The following ALCAM variants were observed in gnomAD, a reference collection of about 807,000 sequenced individuals.
ALCAM encodes CD166 antigen.
ALCAM carries 30 observed loss-of-function variants against 70.9 expected under a neutral mutation model. That is an observed-to-expected ratio of 0.42 (90% confidence interval 0.32 to 0.57). ALCAM has a LOEUF of 0.57. ALCAM is among the 20% of genes least tolerant of loss of function. The probability of loss-of-function intolerance (pLI) is 0.11; values close to 1 mark genes in which losing one functional copy is unlikely to be tolerated. For missense variants in ALCAM, 591 were observed against 695.1 expected, an observed-to-expected ratio of 0.85 and a Z score of 1.68; for synonymous variants, 249 against 242.5, an observed-to-expected ratio of 1.03 and a Z score of -0.25.
intron 1 of ALCAM, among the ~76,000 whole-genome samples, chr3:105,470,730 A>G (rs1163527862): frequency 6.6e-6 from 1 of 151,242 alleles, no homozygotes; most frequent in Admixed American, 6.6e-5. Flanking sequence ...GTGTAAAATA[A>G]TAATTGATAT....
At chr3:105,408,087 C>T (rs958938459) in intron 1 of ALCAM, among the ~76,000 whole-genome samples, 3 of 152,064 alleles carry the variant, frequency 2.0e-5, no homozygotes, top group African/African-American at 7.2e-5. Context: ...AAACACACCC[C>T]ATGCTCATGG....
chr3:105,541,522 C>T, intron 7 of ALCAM, 111 bp from the exon 8 acceptor site: 1 of 1,173,552 alleles, frequency 8.5e-7, no homozygotes. Flanking sequence ...ATCAATGAAA[C>T]ACATTCCCTT....
At chr3:105,447,147 C>T (rs965569099) in intron 1 of ALCAM, among the ~76,000 whole-genome samples, 2 of 151,978 alleles carry the variant, frequency 1.3e-5, no homozygotes, top group Non-Finnish European at 2.9e-5. Flanking sequence ...TTATGTGTCT[C>T]TTAAAAACAA....
chr3:105,521,295 G>A (rs930207267), intron 2 of ALCAM, among the ~76,000 whole-genome samples: 3 of 117,650 alleles, frequency 2.5e-5, no homozygotes, highest in African/African-American at 1.0e-4. Context: ...GCGACAGAGC[G>A]AGACTCCGTC....
At chr3:105,405,764 TGCAAATACA>T (rs1936212881) in intron 1 of ALCAM, among the ~76,000 whole-genome samples, 1 of 152,164 alleles carries the variant, frequency 6.6e-6, no homozygotes, top group East Asian at 1.9e-4. Context: ...CTCAAAGCCA[TGCAAATACA>T]TGGAAATTAA....
At chr3:105,427,923 C>A (rs1485745413) in intron 1 of ALCAM, among the ~76,000 whole-genome samples, 1 of 151,674 alleles carries the variant, frequency 6.6e-6, no homozygotes, top group Non-Finnish European at 1.5e-5. Flanking sequence ...TTGGAGAAAA[C>A]CTATTATACT....
intron 1 of ALCAM, among the ~76,000 whole-genome samples, chr3:105,368,634 G>A (rs957882330): frequency 1.3e-5 from 2 of 152,058 alleles, no homozygotes; most frequent in Admixed American, 1.3e-4. Flanking sequence ...GCAAGCTCAG[G>A]TCACAGAAGA....
In ALCAM at chr3:105,472,217, G is replaced by A. The variant is rs146572226; in HGVS notation, c.74-47850G>A. 2.9e-3 allele frequency among the ~76,000 whole-genome samples: 434 copies of A among 151,344 alleles called. 1 individual carries two copies. The highest frequency in any genetic ancestry group is 4.7e-3 in the Non-Finnish European group (316 of 67,496). On this transcript the variant is annotated intron_variant, in intron 1 of 15. Transcript: ENST00000306107. ...TTGTTTGTTTGTTTTTTTAGGCAGT[G>A]CTACTGATGCTCATTCCTTTATGAA...
chr3:105,379,173 G>A (rs1462523641), intron 1 of ALCAM, among the ~76,000 whole-genome samples: 1 of 151,928 alleles, frequency 6.6e-6, no homozygotes, highest in African/African-American at 2.4e-5. Flanking sequence ...TATTATGTTT[G>A]TCAGTGCCTA....
intron 1 of ALCAM, among the ~76,000 whole-genome samples, chr3:105,519,094 A>T (rs1939464418): frequency 6.6e-6 from 1 of 152,078 alleles, no homozygotes; most frequent in Admixed American, 6.5e-5. Context: ...TCTATACCCG[A>T]TTATGATACA....
chr3:105,538,767 T>G (rs1940039296), intron 6 of ALCAM, among the ~76,000 whole-genome samples: 2 of 152,116 alleles, frequency 1.3e-5, no homozygotes, highest in South Asian at 4.1e-4. Flanking sequence ...CACCGGAAAC[T>G]GCTGGTTAGG....
intron 1 of ALCAM, among the ~76,000 whole-genome samples, chr3:105,494,333 A>G (rs1302764229): frequency 6.6e-6 from 1 of 152,152 alleles, no homozygotes; most frequent in African/African-American, 2.4e-5. Flanking sequence ...CTGGTATTTT[A>G]TAAGGGAAAA....
intron 1 of ALCAM, among the ~76,000 whole-genome samples, chr3:105,387,377 A>T (rs1426179101): frequency 6.6e-6 from 1 of 151,464 alleles, no homozygotes; most frequent in African/African-American, 2.4e-5. Context: ...ACAATCTATT[A>T]GCTTTTTCTC....
intron 14 of ALCAM, among the ~76,000 whole-genome samples, chr3:105,563,663 A>ATTTTTTTTTT (rs1940677356): frequency 6.9e-5 from 5 of 72,532 alleles, no homozygotes; most frequent in South Asian, 4.0e-4. Context: ...AATTCCAAGC[A>ATTTTTTTTTT]TTTCTTTTTT....
intron 14 of ALCAM, among the ~76,000 whole-genome samples, chr3:105,557,586 A>G (rs887217379): frequency 1.3e-5 from 2 of 152,188 alleles, no homozygotes; most frequent in Non-Finnish European, 2.9e-5. Context: ...GGAACAAAAA[A>G]GTCCCATTCT....
Position 105,576,091 on chromosome 3 carries a change from T to A in ALCAM, c.*1640T>A, listed in dbSNP as rs1185076224. The stretch of plus-strand genomic sequence containing the variant: ...GGTATGGATTAAATGCATAAAATAT[T>A]CTTAGACTCGATGCTGTATAAAATA... On this transcript the variant is annotated 3_prime_UTR_variant, in exon 16 of 16. Coordinates refer to ENST00000306107, the MANE Select transcript of ALCAM (RefSeq NM_001627.4). 1 of 152,340 alleles carries A rather than the reference T, an allele frequency of 6.6e-6. No individual in the cohort carries two copies. Among genetic ancestry groups the A allele is most frequent in the Non-Finnish European group, 1.5e-5 (1 of 67,996 alleles). The allele number at this position is 152,340 out of a possible 1,614,324, so 9.4% of individuals were successfully genotyped here. A position where few individuals can be genotyped will look rare whatever the true frequency, so the allele number is the denominator to read the frequency against.
intron 1 of ALCAM, among the ~76,000 whole-genome samples, chr3:105,457,080 C>T (rs1223484048): frequency 1.3e-5 from 2 of 152,148 alleles, no homozygotes; most frequent in Non-Finnish European, 2.9e-5. Context: ...GTGAGTCCTC[C>T]ACCCTCCATT....
intron 1 of ALCAM, among the ~76,000 whole-genome samples, chr3:105,518,667 A>G (rs1274945319): frequency 1.3e-5 from 2 of 152,100 alleles, no homozygotes; most frequent in Non-Finnish European, 2.9e-5. Context: ...TTTTAAAATT[A>G]TAGAGATAAA....
At chr3:105,407,389 A>T (rs1184783080) in intron 1 of ALCAM, among the ~76,000 whole-genome samples, 1 of 152,190 alleles carries the variant, frequency 6.6e-6, no homozygotes, top group Non-Finnish European at 1.5e-5. Flanking sequence ...AGTGGGTTTC[A>T]TACCAGGGAT....
Sources: allele counts gnomAD v4.1 joint callset (sites outside exome capture counted in the v4.1 genomes callset), GRCh38; gene constraint gnomAD v4.1.1; transcripts MANE v1.5; gene names NCBI Gene and HGNC (gene_info 2026-07-23, HGNC 2026-07-21).